Variants in CD44 observed in about 807,000 individuals in gnomAD.
The protein encoded by CD44 is CD44 antigen.
In CD44, 49 loss-of-function variants were observed where a neutral mutation model predicts 88.8. The observed-to-expected ratio is 0.55, with a 90% CI of 0.44 to 0.70. The LOEUF is 0.70. CD44 is among the 30% of genes least tolerant of loss of function. The pLI is 0.00. For missense variants in CD44, 883 were observed against 913.8 expected, an observed-to-expected ratio of 0.97 and a Z score of 0.43; for synonymous variants, 325 against 312.3, an observed-to-expected ratio of 1.04 and a Z score of -0.43.
intron 4 of CD44, among the ~76,000 whole-genome samples, chr11:35,187,729 G>T (rs369853779): frequency 6.6e-6 from 1 of 152,096 alleles, no homozygotes; most frequent in Non-Finnish European, 1.5e-5. Flanking sequence ...GCCCTAATTA[G>T]CAATTTTCTG....
intron 17 of CD44, among the ~76,000 whole-genome samples, chr11:35,227,152 A>G (rs1003220606): frequency 6.6e-6 from 1 of 151,456 alleles, no homozygotes; most frequent in East Asian, 1.9e-4. Flanking sequence ...CAGCCTCCCA[A>G]GTGTTGGGAT....
chr11:35,183,468 A>G (rs1384296044), intron 3 of CD44, among the ~76,000 whole-genome samples: 4 of 152,210 alleles, frequency 2.6e-5, no homozygotes, highest in Non-Finnish European at 5.9e-5. Context: ...AAACTGCCCT[A>G]TGCAAAGATT....
At chr11:35,140,788 A>C (rs1250155603) in intron 1 of CD44, among the ~76,000 whole-genome samples, 2 of 152,198 alleles carry the variant, frequency 1.3e-5, no homozygotes, top group Non-Finnish European at 2.9e-5. Context: ...TGGGAGGCTG[A>C]GGCAGCAAAT....
intron 1 of CD44, among the ~76,000 whole-genome samples, chr11:35,153,889 C>G (rs1041317196): frequency 2.6e-5 from 4 of 152,154 alleles, no homozygotes; most frequent in Non-Finnish European, 2.9e-5. Context: ...CTGTACCAGC[C>G]CTCTCACTGT....
chr11:35,196,617 T>G, intron 5 of CD44, 129 bp from the exon 6 acceptor site: 1 of 1,041,190 alleles, frequency 9.6e-7, no homozygotes, highest in Non-Finnish European at 1.3e-6. Flanking sequence ...TTTTTCCCTT[T>G]CTTTTCACCA....
rs572312370 is a variant in CD44 at position 35,176,267 on chromosome 11, C to T, written c.68-308C>T. On this transcript the variant is annotated intron_variant, in intron 1 of 17. Transcript: ENST00000428726. ...CCGTGTTAGCCAGGATGGTCTCGAT[C>T]TCCTGACCTTGTGATCCGCCCGCCT... 1.8e-3 allele frequency among the ~76,000 whole-genome samples: 273 copies of T among 152,262 alleles called. 1 individual carries two copies. The highest frequency in any genetic ancestry group is 6.3e-3 in the African/African-American group (262 of 41,562).
chr11:35,191,008 A>G (rs1288153203), intron 5 of CD44, among the ~76,000 whole-genome samples: 1 of 152,136 alleles, frequency 6.6e-6, no homozygotes, highest in Non-Finnish European at 1.5e-5. Flanking sequence ...TTGTTTTGAA[A>G]TGGGCTCCCA....
intron 17 of CD44, among the ~76,000 whole-genome samples, chr11:35,228,145 T>C (rs182669261): frequency 6.6e-6 from 1 of 152,172 alleles, no homozygotes; most frequent in African/African-American, 2.4e-5. Context: ...AGAGGAAGCA[T>C]TGCATTAGGC....
At position 35,139,723 on chromosome 11, in the gene CD44, G is replaced by A. The variant is rs1400715159; in HGVS notation, c.67+353G>A. 5.7e-6 allele frequency: 3 copies of A among 526,594 alleles called. No homozygotes were observed. In the Admixed American group the frequency reaches 6.7e-5, roughly 12 times the overall value. The allele number at this position is 526,594 out of a possible 1,614,324, so 32.6% of individuals were successfully genotyped here. A position where few individuals can be genotyped will look rare whatever the true frequency, so the allele number is the denominator to read the frequency against. ...GGACTAACAGGCTCCTGTGCCCAAG[G>A]GCTCGCCAAGCCCCACCGGGCTGTG... On this transcript the variant is annotated intron_variant, in intron 1 of 17. Coordinates refer to ENST00000428726, the MANE Select transcript of CD44 (RefSeq NM_000610.4).
At chr11:35,182,162 G>A (rs1402959908) in intron 3 of CD44, among the ~76,000 whole-genome samples, 1 of 148,546 alleles carries the variant, frequency 6.7e-6, no homozygotes, top group Non-Finnish European at 1.5e-5. Flanking sequence ...CTATAAAAAG[G>A]ACATCAACTT....
intron 10 of CD44, chr11:35,205,892 C>T (rs1947790872): frequency 8.4e-7 from 1 of 1,184,356 alleles, no homozygotes; most frequent in Non-Finnish European, 1.0e-6. Context: ...GCTTTTGTGT[C>T]CTCCAGTTCA....
chr11:35,186,449 T>C (rs1256484301), intron 3 of CD44, among the ~76,000 whole-genome samples: 1 of 152,248 alleles, frequency 6.6e-6, no homozygotes, highest in Admixed American at 6.5e-5. Flanking sequence ...ACAATGTTCC[T>C]GCATTACTTT....
At chr11:35,183,700 T>C (rs568536080) in intron 3 of CD44, among the ~76,000 whole-genome samples, 2 of 152,294 alleles carry the variant, frequency 1.3e-5, no homozygotes, top group South Asian at 4.1e-4. Context: ...TTTGTGATTT[T>C]TTTTCCCTCA....
chr11:35,202,064 A>G (rs747175829), intron 9 of CD44, among the ~76,000 whole-genome samples: 4 of 152,228 alleles, frequency 2.6e-5, no homozygotes, highest in Non-Finnish European at 5.9e-5. Flanking sequence ...CCATTTGGGT[A>G]ACTTGTGTGT....
chr11:35,208,033 C>A, intron 11 of CD44, 72 bp from the exon 12 acceptor site: 1 of 879,062 alleles, frequency 1.1e-6, no homozygotes, highest in Non-Finnish European at 1.9e-6. Flanking sequence ...AAAAAATCAG[C>A]TGTAGACCAT....
At position 35,201,149 on chromosome 11, in the gene CD44, C is replaced by T. The variant is rs759520256; in HGVS notation, c.990C>T (p.Ser330=). 6.2e-7 allele frequency: 1 copy of T among 1,614,036 alleles called. No homozygotes were observed. Among genetic ancestry groups the T allele is most frequent in the Non-Finnish European group, 8.5e-7 (1 of 1,179,904 alleles). Residue 330 remains serine, a synonymous_variant, in exon 8 of 18, where the codon AGC becomes AGT. Transcript: ENST00000428726. The stretch of plus-strand genomic sequence containing the variant: ...AGGACTGGACCCAGTGGAACCCAAG[C>T]CATTCAAATCCGGAAGTGCTACTTC... ...QNQDWTQWNP[S]HSNPEVLLQT...
intron 1 of CD44, chr11:35,139,613 C>G (rs754563876): frequency 3.0e-5 from 22 of 743,438 alleles, no homozygotes; most frequent in South Asian, 2.9e-4. Flanking sequence ...GGCAGGCTGC[C>G]GGCGCGCAGT....
intron 1 of CD44, among the ~76,000 whole-genome samples, chr11:35,168,049 A>G (rs1943494765): frequency 1.3e-5 from 2 of 152,214 alleles, no homozygotes; most frequent in African/African-American, 4.8e-5. Flanking sequence ...GAGAGAGTGA[A>G]AATTCCATTA....
At chr11:35,183,854 G>A (rs75276205) in intron 3 of CD44, among the ~76,000 whole-genome samples, 13,164 of 152,154 alleles carry the variant, frequency 0.087, 627 homozygotes, top group African/African-American at 0.11. Context: ...GATTCTACAT[G>A]TACTTGTTTA....
Sources: gnomAD v4.1 joint callset for allele counts (sites outside exome capture counted in the v4.1 genomes callset) on GRCh38, gnomAD v4.1.1 for gene constraint, MANE v1.5 for transcripts, NCBI Gene and HGNC (gene_info 2026-07-23, HGNC 2026-07-21) for gene names.